GNAO1: variants seen among roughly 807,000 people sequenced by gnomAD.
GNAO1 encodes guanine nucleotide-binding protein G(o) subunit alpha.
For synonymous variants in GNAO1, 164 were observed against 180.7 expected, an observed-to-expected ratio of 0.91 and a Z score of 0.74; for missense variants, 166 against 478.7, an observed-to-expected ratio of 0.35 and a Z score of 6.10.
intron 2 of GNAO1, among the ~76,000 whole-genome samples, chr16:56,265,040 C>T (rs2143493468): frequency 6.6e-6 from 1 of 152,310 alleles, no homozygotes; most frequent in South Asian, 2.1e-4. Flanking sequence ...TGTCACCCAG[C>T]CTCTATCTTG....
intron 2 of GNAO1, among the ~76,000 whole-genome samples, chr16:56,254,158 A>G (rs1440691002): frequency 6.6e-6 from 1 of 152,200 alleles, no homozygotes; most frequent in Non-Finnish European, 1.5e-5. Flanking sequence ...AGGTCCCAAC[A>G]AATGATCTAT....
Position 56,328,720 on chromosome 16 carries a change from C to G in GNAO1, c.393C>G (p.Leu131=), listed in dbSNP as rs766107260. The G allele has an allele frequency of 8.7e-6, 14 of 1,614,134 alleles. No individual in the cohort carries two copies. The African/African-American group carries it at 1.9e-4, about 22-fold the overall frequency. Residue 131 remains leucine, a synonymous_variant, in exon 4 of 9, where the codon CTC becomes CTG. Coordinates refer to ENST00000262493, the MANE Select transcript of GNAO1 (RefSeq NM_020988.3). ...SAELLSAMMR[L]WGDSGIQECF... ...AGCTGCTTTCTGCCATGATGCGGCT[C>G]TGGGGCGACTCAGGAATCCAAGAGT...
chr16:56,207,100 T>A (rs777843114), intron 2 of GNAO1, among the ~76,000 whole-genome samples: 4 of 152,262 alleles, frequency 2.6e-5, no homozygotes, highest in African/African-American at 4.8e-5. Context: ...CTTTGAGCCT[T>A]ACAACATCAG....
chr16:56,309,738 C>T (rs1220876922), intron 3 of GNAO1, among the ~76,000 whole-genome samples: 2 of 152,256 alleles, frequency 1.3e-5, no homozygotes, highest in Admixed American at 6.5e-5. Context: ...CCCGGACCCA[C>T]TGCTCCTGTG....
intron 3 of GNAO1, among the ~76,000 whole-genome samples, chr16:56,317,575 G>A (rs1485119783): frequency 6.6e-6 from 1 of 152,186 alleles, no homozygotes; most frequent in African/African-American, 2.4e-5. Flanking sequence ...AGGGAAGAGT[G>A]GAGGGGATGG....
In GNAO1 at chr16:56,200,443, A is replaced by G. The variant is rs114599001; in HGVS notation, c.161+7827A>G. Among the ~76,000 whole-genome samples the G allele has an allele frequency of 3.1e-3, 474 of 152,364 alleles. 4 individuals carry two copies. Among genetic ancestry groups the G allele is most frequent in the African/African-American group, 0.011 (441 of 41,596 alleles). Reference sequence around the variant, plus strand: ...CCATGGAATGTGTTCATCATTTTCAATCTATTATATTCATTTGTTTATCAA... The same window carrying G: ...CCATGGAATGTGTTCATCATTTTCAGTCTATTATATTCATTTGTTTATCAA... On this transcript the variant is annotated intron_variant, in intron 2 of 8. Coordinates refer to ENST00000262493, the MANE Select transcript of GNAO1 (RefSeq NM_020988.3).
At chr16:56,333,548 C>T (rs1277742703) in intron 4 of GNAO1, among the ~76,000 whole-genome samples, 1 of 152,236 alleles carries the variant, frequency 6.6e-6, no homozygotes, top group Non-Finnish European at 1.5e-5. Flanking sequence ...TCAAGCTTAC[C>T]TCCCTGAGCC....
chr16:56,230,669 T>G (rs976001169), intron 2 of GNAO1, among the ~76,000 whole-genome samples: 6 of 152,066 alleles, frequency 3.9e-5, no homozygotes, highest in Admixed American at 2.0e-4. Context: ...TGGTTCATGT[T>G]TCAGTGACTG....
intron 6 of GNAO1, among the ~76,000 whole-genome samples, chr16:56,350,483 A>AGAGT (rs1271512937): frequency 6.6e-6 from 1 of 152,232 alleles, no homozygotes; most frequent in Non-Finnish European, 1.5e-5. Flanking sequence ...GCCCCAAAGC[A>AGAGT]GAGTTTTTGC....
At chr16:56,273,340 G>A (rs1284582850) in intron 2 of GNAO1, among the ~76,000 whole-genome samples, 1 of 152,042 alleles carries the variant, frequency 6.6e-6, no homozygotes, top group Non-Finnish European at 1.5e-5. Context: ...TTTTATTTTA[G>A]ATATTATATT....
intron 6 of GNAO1, chr16:56,345,125 G>A: frequency 1.0e-6 from 1 of 985,682 alleles, no homozygotes. Flanking sequence ...AGATCCCTGA[G>A]CAGAAGGGGG....
intron 3 of GNAO1, among the ~76,000 whole-genome samples, chr16:56,299,287 A>G (rs566189498): frequency 1.3e-5 from 2 of 152,340 alleles, no homozygotes; most frequent in East Asian, 3.9e-4. Context: ...AACCCTGGAG[A>G]GAGAAGGCCT....
chr16:56,215,666 A>G (rs2036430878), intron 2 of GNAO1, among the ~76,000 whole-genome samples: 1 of 152,236 alleles, frequency 6.6e-6, no homozygotes, highest in Non-Finnish European at 1.5e-5. Context: ...TTCTTGGGGC[A>G]CAGTGAATAT....
intron 2 of GNAO1, among the ~76,000 whole-genome samples, chr16:56,229,628 G>GATGT (rs1322456767): frequency 6.6e-6 from 1 of 152,096 alleles, no homozygotes; most frequent in Non-Finnish European, 1.5e-5. Flanking sequence ...TGGATGGATG[G>GATGT]ATGGATGGAT....
intron 2 of GNAO1, among the ~76,000 whole-genome samples, chr16:56,231,371 C>T (rs1232422610): frequency 6.6e-6 from 1 of 152,216 alleles, no homozygotes; most frequent in Non-Finnish European, 1.5e-5. Flanking sequence ...AAATAGCAGT[C>T]CTCATCACTT....
chr16:56,281,822 A>G (rs1291900287), intron 3 of GNAO1, among the ~76,000 whole-genome samples: 2 of 152,236 alleles, frequency 1.3e-5, no homozygotes, highest in African/African-American at 4.8e-5. Flanking sequence ...GGATTAGAAG[A>G]TTCACTGGAC....
chr16:56,271,025 G>C (rs2037011752), intron 2 of GNAO1: 1 of 152,166 alleles, frequency 6.6e-6, no homozygotes, highest in Non-Finnish European at 1.5e-5. Flanking sequence ...ACTCAGACCT[G>C]GGCTGTCACA....
intron 6 of GNAO1, chr16:56,347,888 C>A: frequency 1.0e-6 from 1 of 972,878 alleles, no homozygotes; most frequent in Non-Finnish European, 1.2e-6. Context: ...TGGTTCTGAC[C>A]CATCCCCTGG....
chr16:56,300,367 A>C (rs1450603846), intron 3 of GNAO1, among the ~76,000 whole-genome samples: 4 of 152,240 alleles, frequency 2.6e-5, no homozygotes, highest in Non-Finnish European at 4.4e-5. Flanking sequence ...CTCTCAGTCA[A>C]AGTGGTACCA....
Sources: gnomAD v4.1 joint callset for allele counts (sites outside exome capture counted in the v4.1 genomes callset) on GRCh38, gnomAD v4.1.1 for gene constraint, MANE v1.5 for transcripts, NCBI Gene and HGNC (gene_info 2026-07-23, HGNC 2026-07-21) for gene names.